The following MYMX variants were observed in gnomAD, a reference collection of about 807,000 sequenced individuals.
MYMX encodes protein myomixer.
chr6:44,211,823 T>TGTGTGTGTGTGTGTGTGTGTG, the MYMX span, among the ~76,000 whole-genome samples: 37 of 150,686 alleles, frequency 2.5e-4, no homozygotes, highest in African/African-American at 6.1e-4. Flanking sequence ...TGTGTGTGTG[T>TGTGTGTGTGTGTGTGTGTGTG]TTAGTAGAGA....
At chr6:44,195,522 A>G in the MYMX span, among the ~76,000 whole-genome samples, 1 of 151,762 alleles carries the variant, frequency 6.6e-6, no homozygotes, top group Non-Finnish European at 1.5e-5. Context: ...ACTGAAGTGC[A>G]ATGGCATGAT....
the MYMX span, among the ~76,000 whole-genome samples, chr6:44,194,447 G>A: frequency 6.6e-6 from 1 of 152,190 alleles, no homozygotes; most frequent in Admixed American, 6.5e-5. Flanking sequence ...ATGATGCAGG[G>A]AGCAGGCTGC....
Position 44,217,525 on chromosome 6 carries a change from G to T in MYMX, c.54G>T (p.Leu18=). ...TTCGATTGCTGCTGTCCTGCCTGCT[G>T]CTGCCTGCTGCCCGCCTGGCCCGCC... The part of the protein sequence containing the change: ...LLLRLLLSCL[L]LPAARLARQY... The change falls in exon 2 of 2, where the codon CTG becomes CTT. Residue 18 remains leucine (L), a synonymous_variant. Coordinates refer to ENST00000573382, the MANE Select transcript of MYMX (RefSeq NM_001315494.2). The T allele has an allele frequency of 2.5e-6, 1 of 405,482 alleles. No homozygotes were observed. Among genetic ancestry groups the T allele is most frequent in the Non-Finnish European group, 4.3e-6 (1 of 230,040 alleles). The allele number at this position is 405,482 out of a possible 1,614,324, so 25.1% of individuals were successfully genotyped here. A position where few individuals can be genotyped will look rare whatever the true frequency, so the allele number is the denominator to read the frequency against.
At chr6:44,198,443 G>A in the MYMX span, among the ~76,000 whole-genome samples, 1 of 152,012 alleles carries the variant, frequency 6.6e-6, no homozygotes, top group Non-Finnish European at 1.5e-5. Context: ...GGGATTACAG[G>A]CGTGAGCCAC....
At chr6:44,201,721 G>A in the MYMX span, among the ~76,000 whole-genome samples, 2 of 152,198 alleles carry the variant, frequency 1.3e-5, no homozygotes, top group East Asian at 3.8e-4. Flanking sequence ...TAATATTTAT[G>A]AGACACCTAC....
the MYMX span, among the ~76,000 whole-genome samples, chr6:44,196,526 A>G: frequency 6.6e-6 from 1 of 151,678 alleles, no homozygotes; most frequent in Non-Finnish European, 1.5e-5. Flanking sequence ...TAAAAGTACA[A>G]AAATTAGCTG....
At chr6:44,193,353 G>C in the MYMX span, among the ~76,000 whole-genome samples, 1 of 151,972 alleles carries the variant, frequency 6.6e-6, no homozygotes, top group Non-Finnish European at 1.5e-5. Context: ...ACAGGTGTGA[G>C]CCACTGCACC....
upstream of MYMX, among the ~76,000 whole-genome samples, chr6:44,214,147 GCAT>G (rs1775743650): frequency 6.6e-6 from 1 of 152,160 alleles, no homozygotes; most frequent in African/African-American, 2.4e-5. Context: ...TGTTTTATAA[GCAT>G]CATTCAGGCC....
the MYMX span, among the ~76,000 whole-genome samples, chr6:44,201,904 C>A: frequency 6.6e-6 from 1 of 152,240 alleles, no homozygotes; most frequent in Non-Finnish European, 1.5e-5. Context: ...TCCAGAGGGG[C>A]CCTGAGAGAG....
chr6:44,195,597 G>A, the MYMX span, among the ~76,000 whole-genome samples: 35,646 of 151,952 alleles, frequency 0.23, 4,420 homozygotes, highest in East Asian at 0.4. Flanking sequence ...CTCCCAAAAC[G>A]TTGGGATTAC....
the MYMX span, among the ~76,000 whole-genome samples, chr6:44,204,974 C>A: frequency 1.3e-5 from 2 of 152,078 alleles, no homozygotes; most frequent in African/African-American, 4.8e-5. Flanking sequence ...AGTTTGAGTA[C>A]CTGATGTGCA....
At chr6:44,216,442 G>C (rs909767822), upstream of MYMX, among the ~76,000 whole-genome samples, 2 of 151,956 alleles carry the variant, frequency 1.3e-5, no homozygotes, top group African/African-American at 4.8e-5. Flanking sequence ...TTGAGCTCAG[G>C]AGTTTGAGAC....
At chr6:44,213,651 C>T (rs1356672396), upstream of MYMX, among the ~76,000 whole-genome samples, 1 of 152,136 alleles carries the variant, frequency 6.6e-6, no homozygotes, top group Admixed American at 6.5e-5. Context: ...AACTTCTGAC[C>T]TCAGGTGATC....
chr6:44,209,355 C>A, the MYMX span, among the ~76,000 whole-genome samples: 4 of 152,166 alleles, frequency 2.6e-5, no homozygotes, highest in African/African-American at 4.8e-5. Flanking sequence ...CCATGGATAG[C>A]TATTGATTCA....
the MYMX span, among the ~76,000 whole-genome samples, chr6:44,201,511 C>T: frequency 3.9e-5 from 6 of 152,198 alleles, no homozygotes; most frequent in Non-Finnish European, 7.3e-5. Flanking sequence ...TGCTGATTTC[C>T]CAGAGGACAA....
the MYMX span, among the ~76,000 whole-genome samples, chr6:44,197,972 G>A: frequency 6.6e-6 from 1 of 151,900 alleles, no homozygotes; most frequent in Non-Finnish European, 1.5e-5. Flanking sequence ...TCCAGCCTGC[G>A]GGGGATTGTC....
At chr6:44,210,264 AGTAATCATGTTTT>A in the MYMX span, among the ~76,000 whole-genome samples, 1 of 145,678 alleles carries the variant, frequency 6.9e-6, no homozygotes, top group Non-Finnish European at 1.5e-5. Context: ...ACCTTTTAAC[AGTAATCATGTTTT>A]GTTTTGTTTT....
chr6:44,207,375 G>A, the MYMX span, among the ~76,000 whole-genome samples: 3 of 152,014 alleles, frequency 2.0e-5, no homozygotes, highest in Non-Finnish European at 2.9e-5. Context: ...TCCTGACCTC[G>A]TGATCCACCC....
At chr6:44,199,360 T>C in the MYMX span, among the ~76,000 whole-genome samples, 3,171 of 151,218 alleles carry the variant, frequency 0.021, 99 homozygotes, top group African/African-American at 0.073. Flanking sequence ...CTGTGCCCCC[T>C]AATTTTCTTT....
Sources: allele counts gnomAD v4.1 joint callset (sites outside exome capture counted in the v4.1 genomes callset), GRCh38; gene constraint gnomAD v4.1.1; transcripts MANE v1.5; gene names NCBI Gene and HGNC (gene_info 2026-07-23, HGNC 2026-07-21).